STIM2: variants seen among roughly 807,000 people sequenced by gnomAD.
STIM2 encodes stromal interaction molecule 2.
In STIM2, 31 loss-of-function variants were observed where a neutral mutation model predicts 85.8. The ratio of observed to expected loss-of-function variants is 0.36; its 90% CI spans 0.27 to 0.49. The LOEUF (loss-of-function observed/expected upper bound fraction) is 0.49, where lower values mean the gene tolerates loss of function less well. Among genes scored for constraint, STIM2 ranks in the 20% least tolerant of loss-of-function variants. The pLI, the probability that STIM2 is intolerant of heterozygous loss-of-function variation, is 0.98. For synonymous variants in STIM2, 356 were observed against 331.1 expected, an observed-to-expected ratio of 1.08 and a Z score of -0.82; for missense variants, 841 against 927.6, an observed-to-expected ratio of 0.91 and a Z score of 1.21.
At chr4:26,981,279 T>C (rs1046271164) in intron 3 of STIM2, among the ~76,000 whole-genome samples, 3 of 152,148 alleles carry the variant, frequency 2.0e-5, no homozygotes, top group Admixed American at 2.0e-4. Context: ...TCAACAAGTA[T>C]ATAGAGTTTA....
chr4:26,863,532 T>G (rs1722294806), intron 1 of STIM2, among the ~76,000 whole-genome samples: 1 of 152,148 alleles, frequency 6.6e-6, no homozygotes, highest in Non-Finnish European at 1.5e-5. Context: ...TTTCCCATTC[T>G]TAAGAGTGTA....
intron 2 of STIM2, among the ~76,000 whole-genome samples, chr4:26,921,193 C>A (rs1420418112): frequency 6.6e-6 from 1 of 152,082 alleles, no homozygotes; most frequent in African/African-American, 2.4e-5. Context: ...AACTGCAAAT[C>A]AAGGAATGCT....
intron 1 of STIM2, among the ~76,000 whole-genome samples, chr4:26,907,993 G>C (rs530671437): frequency 1.2e-4 from 19 of 152,180 alleles, no homozygotes; most frequent in Non-Finnish European, 1.5e-4. Context: ...ACCCATTTTT[G>C]TTGCTGAGAC....
chr4:27,006,140 G>A (rs908172616), intron 7 of STIM2, among the ~76,000 whole-genome samples: 4 of 152,118 alleles, frequency 2.6e-5, no homozygotes, highest in African/African-American at 9.7e-5. Context: ...GATGTTGCTC[G>A]GGATTTGTTT....
At chr4:26,911,745 AT>A (rs1315880153) in intron 1 of STIM2, among the ~76,000 whole-genome samples, 2 of 152,182 alleles carry the variant, frequency 1.3e-5, no homozygotes, top group African/African-American at 4.8e-5. Flanking sequence ...AAATATTAGT[AT>A]TTTTTGAATG....
chr4:26,997,042 G>C (rs1357077738), intron 4 of STIM2, among the ~76,000 whole-genome samples: 2 of 152,062 alleles, frequency 1.3e-5, no homozygotes, highest in East Asian at 1.9e-4. Flanking sequence ...TATAACTTCA[G>C]TTTTCAGGTC....
In STIM2 at chr4:27,002,813, A is replaced by G. The variant is rs1347616231; in HGVS notation, c.804-114A>G. The G allele has an allele frequency of 1.4e-5, 14 of 994,440 alleles. 1 individual carries two copies. The highest frequency in any genetic ancestry group is 4.0e-5 in the Admixed American group (1 of 25,128). The allele number at this position is 994,440 out of a possible 1,614,324, so 61.6% of individuals were successfully genotyped here. ...AAACTTAAGGCTAATGAAAAATGCT[A>G]TGATTTCTGATTGAAATATGTATTT... On this transcript the variant is annotated intron_variant, in intron 6 of 11. Coordinates refer to ENST00000467087, the MANE Select transcript of STIM2 (RefSeq NM_020860.4).
At chr4:27,020,963 T>G in intron 11 of STIM2, 1 of 1,530,948 alleles carries the variant, frequency 6.5e-7, no homozygotes, top group Non-Finnish European at 8.8e-7. Context: ...TGACTCTCCC[T>G]TTCATTTCTC....
chr4:26,913,873 C>G (rs920200582), intron 1 of STIM2, among the ~76,000 whole-genome samples: 1 of 152,062 alleles, frequency 6.6e-6, no homozygotes, highest in Non-Finnish European at 1.5e-5. Context: ...TGCATTATGG[C>G]GGGAGAGTTA....
chr4:26,948,596 T>C (rs1310854914), intron 2 of STIM2, among the ~76,000 whole-genome samples: 3 of 152,160 alleles, frequency 2.0e-5, no homozygotes, highest in African/African-American at 4.8e-5. Flanking sequence ...ACATTGTCTC[T>C]ATAAAAAGAA....
intron 2 of STIM2, among the ~76,000 whole-genome samples, chr4:26,922,205 T>A (rs1025045513): frequency 6.6e-5 from 10 of 152,010 alleles, no homozygotes; most frequent in Admixed American, 2.6e-4. Flanking sequence ...ATTACTCCTT[T>A]TCTCTGTTTG....
intron 7 of STIM2, among the ~76,000 whole-genome samples, chr4:27,007,257 T>G (rs900166671): frequency 6.6e-6 from 1 of 151,938 alleles, no homozygotes; most frequent in Non-Finnish European, 1.5e-5. Context: ...ATAAGCCCTC[T>G]CTACCCTCCT....
chr4:27,001,190 G>C (rs761616472), intron 5 of STIM2, among the ~76,000 whole-genome samples: 8 of 152,172 alleles, frequency 5.3e-5, no homozygotes, highest in Non-Finnish European at 1.0e-4. Context: ...CGGAGGCCTG[G>C]GCATTTAGGC....
chr4:26,928,936 C>G (rs55809332), intron 2 of STIM2, among the ~76,000 whole-genome samples: 2 of 151,994 alleles, frequency 1.3e-5, no homozygotes, highest in African/African-American at 4.8e-5. Context: ...TATTTAAATG[C>G]AAACACAACA....
At chr4:27,018,317 G>A (rs933613094) in intron 11 of STIM2, among the ~76,000 whole-genome samples, 17 of 152,142 alleles carry the variant, frequency 1.1e-4, no homozygotes, top group South Asian at 6.2e-4. Context: ...GGAGGTCCCC[G>A]TGTCTGTGCT....
intron 1 of STIM2, among the ~76,000 whole-genome samples, chr4:26,912,054 G>A (rs1724363706): frequency 6.6e-6 from 1 of 152,108 alleles, no homozygotes; most frequent in African/African-American, 2.4e-5. Flanking sequence ...AAATTTTCTC[G>A]AGAATTTACT....
At chr4:26,939,772 G>A (rs530460815) in intron 2 of STIM2, among the ~76,000 whole-genome samples, 1 of 152,130 alleles carries the variant, frequency 6.6e-6, no homozygotes, top group South Asian at 2.1e-4. Context: ...TGACCACTTG[G>A]TTAAAAACAA....
At chr4:26,974,557 A>G (rs949134910) in intron 3 of STIM2, among the ~76,000 whole-genome samples, 1 of 152,232 alleles carries the variant, frequency 6.6e-6, no homozygotes, top group Admixed American at 6.5e-5. Context: ...AGAATGTTGA[A>G]TATCGACCTC....
chr4:27,002,524 C>T (rs1339025339), intron 6 of STIM2, 130 bp downstream of exon 6: 2 of 604,716 alleles, frequency 3.3e-6, no homozygotes, highest in Non-Finnish European at 5.3e-6. Flanking sequence ...TATTTGATTT[C>T]ACATTTTTAG....
Sources: allele counts gnomAD v4.1 joint callset (sites outside exome capture counted in the v4.1 genomes callset), GRCh38; gene constraint gnomAD v4.1.1; transcripts MANE v1.5; gene names NCBI Gene and HGNC (gene_info 2026-07-23, HGNC 2026-07-21).